The following VPS53 variants were observed in gnomAD, a reference collection of about 807,000 sequenced individuals.
VPS53 encodes vacuolar protein sorting-associated protein 53 homolog.
VPS53 carries 70 observed loss-of-function variants against 107.0 expected under a neutral mutation model. The ratio of observed to expected loss-of-function variants is 0.65; its 90% CI spans 0.54 to 0.80. VPS53 has a LOEUF of 0.80. VPS53 is among the 30% of genes least tolerant of loss of function. The pLI, the probability that VPS53 is intolerant of heterozygous loss-of-function variation, is 0.00. For missense variants in VPS53, 917 were observed against 1,049.4 expected (o/e 0.87, Z 1.74); for synonymous variants, 409 against 393.3 (o/e 1.04, Z -0.47).
intron 6 of VPS53, among the ~76,000 whole-genome samples, chr17:655,526 T>C (rs1971154030): frequency 6.7e-6 from 1 of 149,178 alleles, no homozygotes; most frequent in African/African-American, 2.4e-5. Context: ...TCTGTCTGCC[T>C]GGAGTGAATA....
intron 4 of VPS53, among the ~76,000 whole-genome samples, chr17:663,796 T>C (rs1290499739): frequency 6.6e-6 from 1 of 150,818 alleles, no homozygotes; most frequent in South Asian, 2.1e-4. Flanking sequence ...CCAGGCATGA[T>C]TCTAGGCATT....
At chr17:619,896 G>A (rs1247796153) in intron 11 of VPS53, among the ~76,000 whole-genome samples, 1 of 134,826 alleles carries the variant, frequency 7.4e-6, no homozygotes, top group African/African-American at 2.8e-5. Context: ...AATATTTCCC[G>A]GGTAGATGGG....
rs1267556552 is a variant in VPS53, at chr17:662,894, GC to G, written c.286-1000del. ...GGAACGAAGGAAGGAAGGAAGGAAGGCAGGCAGGCAGGCAGGCAGGCAGGCA... is the reference window on the plus strand; with the variant it reads ...GGAACGAAGGAAGGAAGGAAGGAAGGAGGCAGGCAGGCAGGCAGGCAGGCA... On this transcript the variant is annotated intron_variant, in intron 4 of 21. Transcript: ENST00000437048. Among the ~76,000 whole-genome samples, 261 of 115,302 alleles carry G rather than the reference GC, an allele frequency of 2.3e-3. 1 individual carries two copies. The highest frequency in any genetic ancestry group is 6.4e-3 in the African/African-American group (204 of 31,988). 75.6% of individuals were successfully genotyped at this position (115,302 alleles called of 152,430 possible).
chr17:707,465 A>G (rs1973451583), intron 2 of VPS53, among the ~76,000 whole-genome samples: 1 of 150,412 alleles, frequency 6.6e-6, no homozygotes, highest in South Asian at 2.1e-4. Context: ...GGTTGCAGTG[A>G]GCCGAGATCA....
intron 15 of VPS53, 113 bp from the exon 16 acceptor site, chr17:553,575 T>A (rs1463813486): frequency 2.3e-4 from 9 of 38,372 alleles, no homozygotes; most frequent in African/African-American, 1.6e-3. Flanking sequence ...TTCCATACAC[T>A]TTTTTTTTTT....
intron 13 of VPS53, among the ~76,000 whole-genome samples, chr17:579,560 G>C (rs1054881099): frequency 1.4e-5 from 2 of 146,390 alleles, no homozygotes; most frequent in African/African-American, 2.6e-5. Context: ...ACCTCAATGT[G>C]TTCTCAGAGA....
At chr17:572,188 C>T (rs1354514302) in intron 13 of VPS53, among the ~76,000 whole-genome samples, 1 of 147,598 alleles carries the variant, frequency 6.8e-6, no homozygotes, top group Admixed American at 6.8e-5. Context: ...AGCGCCTTTG[C>T]CCCGCCGCCC....
At chr17:579,235 C>T (rs1164460642) in intron 13 of VPS53, among the ~76,000 whole-genome samples, 2 of 148,940 alleles carry the variant, frequency 1.3e-5, no homozygotes, top group Non-Finnish European at 3.0e-5. Flanking sequence ...GAACCTAATG[C>T]GTTCCCAGAG....
intron 13 of VPS53, among the ~76,000 whole-genome samples, 159 bp from the exon 14 acceptor site, chr17:562,904 T>C (rs550119482): frequency 2.0e-5 from 3 of 152,270 alleles, no homozygotes; most frequent in South Asian, 4.1e-4. Context: ...CATCATTCAC[T>C]ACCACCACCA....
intron 18 of VPS53, among the ~76,000 whole-genome samples, chr17:533,431 C>T (rs1909759804): frequency 6.6e-6 from 1 of 152,154 alleles, no homozygotes; most frequent in Non-Finnish European, 1.5e-5. Context: ...CATTCTCTGT[C>T]TCCAGCCTCA....
intron 11 of VPS53, among the ~76,000 whole-genome samples, chr17:619,733 G>A (rs148370984): frequency 1.8e-3 from 126 of 71,432 alleles, no homozygotes; most frequent in Middle Eastern, 0.01. Flanking sequence ...ACCACACCCC[G>A]CTAATATTTC....
intron 16 of VPS53, among the ~76,000 whole-genome samples, chr17:552,368 G>A (rs1911912250): frequency 6.6e-6 from 1 of 152,104 alleles, no homozygotes; most frequent in Non-Finnish European, 1.5e-5. Context: ...ATAAGTGGTT[G>A]ATGTGAAAGC....
At chr17:669,259 G>C (rs962923469) in intron 4 of VPS53, among the ~76,000 whole-genome samples, 12 of 152,240 alleles carry the variant, frequency 7.9e-5, no homozygotes, top group Non-Finnish European at 1.8e-4. Context: ...TGTGCTGAAA[G>C]AATCACTCTG....
intron 7 of VPS53, among the ~76,000 whole-genome samples, chr17:652,005 A>ATTT (rs397967122): frequency 5.6e-5 from 8 of 142,226 alleles, no homozygotes; most frequent in African/African-American, 1.0e-4. Context: ...GGTTCACTGT[A>ATTT]TTTTTTTTTT....
At chr17:643,523 A>G (rs200891169) in intron 7 of VPS53, among the ~76,000 whole-genome samples, 24 of 51,524 alleles carry the variant, frequency 4.7e-4, no homozygotes, top group East Asian at 1.7e-3. Context: ...TTGGCAACTG[A>G]GGACAACACT....
chr17:619,983 G>T (rs983216684), intron 11 of VPS53, among the ~76,000 whole-genome samples: 1 of 152,164 alleles, frequency 6.6e-6, no homozygotes, highest in African/African-American at 2.4e-5. Flanking sequence ...ACCACGCCCC[G>T]CTAGTATTTC....
chr17:547,678 C>A (rs1258513106), intron 17 of VPS53, among the ~76,000 whole-genome samples: 1 of 152,148 alleles, frequency 6.6e-6, no homozygotes, highest in African/African-American at 2.4e-5. Flanking sequence ...CACTCTGTCA[C>A]CCAGGCTGGA....
chr17:622,583 C>T (rs1969514425), intron 11 of VPS53, among the ~76,000 whole-genome samples: 1 of 152,168 alleles, frequency 6.6e-6, no homozygotes, highest in Non-Finnish European at 1.5e-5. Context: ...AATGTCTACG[C>T]ATATGTAATG....
chr17:605,731 C>G (rs1050622061), intron 11 of VPS53, among the ~76,000 whole-genome samples: 45 of 55,792 alleles, frequency 8.1e-4, no homozygotes, highest in South Asian at 1.7e-3. Context: ...GGGACGGAAA[C>G]GAAGATGGGG....
Sources: allele counts gnomAD v4.1 joint callset (sites outside exome capture counted in the v4.1 genomes callset), GRCh38; gene constraint gnomAD v4.1.1; transcripts MANE v1.5; gene names NCBI Gene and HGNC (gene_info 2026-07-23, HGNC 2026-07-21).